Variants in OAS3 observed in about 807,000 individuals in gnomAD.
OAS3 encodes 2'-5'-oligoadenylate synthase 3.
Under a neutral mutation model 113.0 loss-of-function variants are expected in OAS3, and 107 were observed. The ratio of observed to expected loss-of-function variants is 0.95; its 90% confidence interval spans 0.81 to 1.11. The LOEUF (loss-of-function observed/expected upper bound fraction) is 1.11, where lower values mean the gene tolerates loss of function less well. Ranked by LOEUF, OAS3 falls within the 50% of genes most tolerant of loss-of-function variation. OAS3 has a pLI of 0.00. For missense variants in OAS3, 1,258 were observed against 1,389.1 expected, an observed-to-expected ratio of 0.91 and a Z score of 1.50; for synonymous variants, 552 against 573.6, an observed-to-expected ratio of 0.96 and a Z score of 0.54.
In OAS3 at chr12:112,946,786, A is replaced by T; in HGVS notation, c.680A>T (p.Tyr227Phe). 1 of 1,613,342 alleles carries T rather than the reference A, an allele frequency of 6.2e-7. No homozygotes were observed. The highest frequency in any genetic ancestry group is 1.1e-5 in the South Asian group (1 of 90,840). Reference sequence around the variant, plus strand: ...TGGAAGGAGACGCTGCCCCCGGTCTATGCCCTGGAATTGCTGACCATCTTC... The same window carrying T: ...TGGAAGGAGACGCTGCCCCCGGTCTTTGCCCTGGAATTGCTGACCATCTTC... ...GLWKETLPPV[Y>F]ALELLTIFAW... The change falls in exon 4 of 16, where the codon TAT becomes TTT. Residue 227 changes from tyrosine (Y) to phenylalanine (F), a missense_variant. Tyr to Phe is a conservative substitution (Grantham distance 22). Coordinates refer to ENST00000228928, the MANE Select transcript of OAS3 (RefSeq NM_006187.4).
chr12:112,943,402 G>C (rs1416691538), intron 2 of OAS3, among the ~76,000 whole-genome samples: 1 of 152,140 alleles, frequency 6.6e-6, no homozygotes, highest in Non-Finnish European at 1.5e-5. Context: ...GACATACAGT[G>C]ACCCACCCAA....
chr12:112,944,690 G>C (rs763706231), intron 3 of OAS3, 39 bp downstream of exon 3: 1 of 1,604,368 alleles, frequency 6.2e-7, no homozygotes, highest in South Asian at 1.1e-5. Flanking sequence ...ACATGTGACT[G>C]TTTGCTTTGT....
Position 112,938,642 on chromosome 12 carries a change from G to T in OAS3, c.112G>T (p.Ala38Ser). Reference sequence around the variant, plus strand: ...GCGGCGCGCTCTGGGCGCCCTGGCCGCTGCCCTGAGGGAGCGCGGGGGCCG... The same window carrying T: ...GCGGCGCGCTCTGGGCGCCCTGGCCTCTGCCCTGAGGGAGCGCGGGGGCCG... ...KARRALGALAAALRERGGRLG... is the reference protein window; with the variant it reads ...KARRALGALASALRERGGRLG... Residue 38 changes from alanine to serine, a missense_variant, in exon 1 of 16, where the codon GCT becomes TCT. Physicochemically the swap from Ala to Ser is moderately conservative, Grantham distance 99. Coordinates refer to ENST00000228928, the MANE Select transcript of OAS3 (RefSeq NM_006187.4). The T allele has an allele frequency of 6.2e-7, 1 of 1,604,316 alleles. No homozygotes were observed. Among genetic ancestry groups the T allele is most frequent in the African/African-American group, 1.3e-5 (1 of 74,838 alleles).
intron 6 of OAS3, among the ~76,000 whole-genome samples, chr12:112,950,143 C>T (rs2043775663): frequency 6.6e-6 from 1 of 152,230 alleles, no homozygotes; most frequent in African/African-American, 2.4e-5. Context: ...TTCCCTCCCC[C>T]AGCCAGCATG....
At chr12:112,940,474 C>T (rs539266823) in intron 1 of OAS3, among the ~76,000 whole-genome samples, 5 of 152,294 alleles carry the variant, frequency 3.3e-5, no homozygotes, top group Admixed American at 6.5e-5. Flanking sequence ...AGATTAGAGA[C>T]GTCAGATCCC....
chr12:112,964,204 C>G (rs528311084), intron 10 of OAS3, 31 bp from the exon 11 acceptor site: 2 of 1,556,472 alleles, frequency 1.3e-6, no homozygotes, highest in East Asian at 4.8e-5. Context: ...AGTCCCGTCT[C>G]AAGCTGGCCC....
chr12:112,963,566 G>A lies in OAS3; in HGVS notation c.2229+109G>A. On this transcript the variant is annotated intron_variant, in intron 10 of 15. Coordinates refer to ENST00000228928, the MANE Select transcript of OAS3 (RefSeq NM_006187.4). This position sits in a 1 kb window ranked among gnomAD's most constrained non-coding sequence, Gnocchi z 4.6. ...CCAGCTGCTAGGAGTGTTGGTGGCTGACAACTCATAGCCACCCCTTCTCTG... is the reference window on the plus strand; with the variant it reads ...CCAGCTGCTAGGAGTGTTGGTGGCTAACAACTCATAGCCACCCCTTCTCTG... The A allele has an allele frequency of 8.8e-7, 1 of 1,137,202 alleles. No homozygotes were observed. The highest frequency in any genetic ancestry group is 1.2e-6 in the Non-Finnish European group (1 of 853,670). The allele number at this position is 1,137,202 out of a possible 1,614,324, so 70.4% of individuals were successfully genotyped here.
At chr12:112,962,052 C>T (rs2043891615) in intron 8 of OAS3, among the ~76,000 whole-genome samples, 3 of 152,336 alleles carry the variant, frequency 2.0e-5, no homozygotes, top group South Asian at 4.1e-4. Flanking sequence ...CCACCTTGGC[C>T]TCCCAAAATG....
chr12:112,950,476 T>C (rs2043778461), intron 6 of OAS3: 1 of 593,640 alleles, frequency 1.7e-6, no homozygotes, highest in Admixed American at 3.0e-5. Flanking sequence ...TCAGTCTTCA[T>C]GGATCAGAGG....
At chr12:112,960,963 T>A in intron 7 of OAS3, 108 bp from the exon 8 acceptor site, 1 of 1,006,974 alleles carries the variant, frequency 9.9e-7, no homozygotes. Context: ...ATTGCAATGT[T>A]AGGTGATTAA....
In OAS3 at chr12:112,946,756, G is replaced by A. The variant is rs1202582454; in HGVS notation, c.650G>A (p.Gly217Glu). ...KHWYHQVCLQGLWKETLPPVY... is the reference protein window; with the variant it reads ...KHWYHQVCLQELWKETLPPVY... ...GCCCTCTCACAGGTGTGCCTACAGG[G>A]GTTGTGGAAGGAGACGCTGCCCCCG... Residue 217 changes from glycine (G) to glutamate (E), a missense_variant, in exon 4 of 16, where the codon GGG becomes GAG. Transcript: ENST00000228928. 1 of 1,610,360 alleles carries A rather than the reference G, an allele frequency of 6.2e-7. No homozygotes were observed. Among genetic ancestry groups the A allele is most frequent in the East Asian group, 2.2e-5 (1 of 44,786 alleles).
At chr12:112,942,091 T>C in intron 2 of OAS3, 1 of 606,126 alleles carries the variant, frequency 1.6e-6, no homozygotes, top group Non-Finnish European at 2.9e-6. Context: ...CCCACAGGCA[T>C]CTGGGAGTTT....
At chr12:112,941,021 A>C (rs2043673737) in intron 1 of OAS3, among the ~76,000 whole-genome samples, 1 of 152,092 alleles carries the variant, frequency 6.6e-6, no homozygotes. Flanking sequence ...AAATAAAAAT[A>C]AAATTACAAG....
chr12:112,945,066 C>T (rs1416217052), intron 3 of OAS3: 3 of 288,522 alleles, frequency 1.0e-5, no homozygotes, highest in Non-Finnish European at 2.0e-5. Context: ...AATCCCAGCA[C>T]TTTGAGTGGC....
At chr12:112,945,787 G>GT (rs956813958) in intron 3 of OAS3, among the ~76,000 whole-genome samples, 1 of 152,162 alleles carries the variant, frequency 6.6e-6, no homozygotes, top group Non-Finnish European at 1.5e-5. Flanking sequence ...TTCTTTCCAT[G>GT]TAAGATTCTC....
chr12:112,944,621 A>G lies in OAS3; in HGVS notation c.606A>G (p.Leu202=), dbSNP rs1476873112. The G allele has an allele frequency of 6.2e-7, 1 of 1,614,078 alleles. No homozygotes were observed. The highest frequency in any genetic ancestry group is 8.5e-7 in the Non-Finnish European group (1 of 1,179,906). The change falls in exon 3 of 16, where the codon CTA becomes CTG. Residue 202 remains leucine (L), a synonymous_variant. Coordinates refer to ENST00000228928, the MANE Select transcript of OAS3 (RefSeq NM_006187.4). The stretch of plus-strand genomic sequence containing the variant: ...TTCGCCCAGCCAAGTTGAAGAACCT[A>G]ATCTTGCTGGTGAAGCACTGGTACC... ...VNIRPAKLKN[L]ILLVKHWYHQ...
intron 3 of OAS3, 121 bp from the exon 4 acceptor site, chr12:112,946,622 C>A: frequency 2.4e-6 from 2 of 835,166 alleles, no homozygotes; most frequent in Non-Finnish European, 1.9e-6. Context: ...TTGGAACAGG[C>A]TTGGAACACA....
intron 12 of OAS3, 102 bp downstream of exon 12, chr12:112,966,131 C>T (rs889200699): frequency 1.9e-5 from 22 of 1,167,604 alleles, no homozygotes; most frequent in Non-Finnish European, 2.7e-5. Context: ...CACATCTGTT[C>T]GCATCATTGC....
In OAS3 at chr12:112,941,847, T is replaced by C. The variant is rs2043683360; in HGVS notation, c.455T>C (p.Val152Ala). 5.0e-6 allele frequency: 8 copies of C among 1,614,026 alleles called. No homozygotes were observed. The East Asian group carries it at 1.8e-4, about 36-fold the overall frequency. Residue 152 changes from valine (V) to alanine (A), a missense_variant, in exon 2 of 16, where the codon GTC (valine) becomes GCC (alanine). Transcript: ENST00000228928. ...GTTAGCCTGGTGCCTGCCTTCAATG[T>C]CCTGGGTGAGGGGTTCCTAGACCAT... ...MDVSLVPAFN[V>A]LGQAGSGVKP...
Sources: gnomAD v4.1 joint callset for allele counts (sites outside exome capture counted in the v4.1 genomes callset) on GRCh38, gnomAD v4.1.1 for gene constraint, Gnocchi (gnomAD v3.1) non-coding constraint, MANE v1.5 for transcripts, NCBI Gene and HGNC (gene_info 2026-07-23, HGNC 2026-07-21) for gene names.